BSN: variants seen among roughly 807,000 people sequenced by gnomAD.
BSN encodes bassoon presynaptic cytomatrix protein, also known as protein bassoon.
A neutral mutation model predicts 264.8 loss-of-function variants in BSN; 57 were observed. That is an observed-to-expected ratio of 0.22 (90% CI 0.17 to 0.27). The LOEUF is 0.27. Among genes scored for constraint, BSN ranks in the 10% least tolerant of loss-of-function variants. The probability of loss-of-function intolerance (pLI) is 1.00; values close to 1 mark genes in which losing one functional copy is unlikely to be tolerated. For missense variants in BSN, 4,615 were observed against 5,232.5 expected, an observed-to-expected ratio of 0.88 and a Z score of 3.64; for synonymous variants, 2,059 against 2,137.3, an observed-to-expected ratio of 0.96 and a Z score of 1.01.
At chr3:49,566,288 A>C (rs901567136) in intron 1 of BSN, among the ~76,000 whole-genome samples, 3 of 152,258 alleles carry the variant, frequency 2.0e-5, no homozygotes, top group African/African-American at 7.2e-5. Flanking sequence ...ACTATCTCTC[A>C]TTTTGGTTTT....
In BSN at chr3:49,650,687, C is replaced by A; in HGVS notation, c.1594C>A (p.Pro532Thr). 6.2e-7 allele frequency: 1 copy of A among 1,609,892 alleles called. No homozygotes were observed. Among genetic ancestry groups the A allele is most frequent in the South Asian group, 1.1e-5 (1 of 90,828 alleles). ...CAGCCTAGGAGAGCCGACCCCCCTG[C>A]CGCCGCCCACCTCACAGCAGCCCCC... is the stretch of plus-strand genomic sequence containing the variant. ...EGSLGEPTPL[P>T]PPTSQQPPVG... The change falls in exon 4 of 12, where the codon CCG (proline) becomes ACG (threonine). Residue 532 changes from proline to threonine, a missense_variant. By Grantham distance (38) the Pro-to-Thr change is conservative. Transcript: ENST00000296452.
chr3:49,572,384 A>C (rs1223859140), intron 1 of BSN, among the ~76,000 whole-genome samples: 8 of 152,174 alleles, frequency 5.3e-5, no homozygotes, highest in Admixed American at 5.2e-4. Flanking sequence ...GAACACATTT[A>C]GGGGAAAATA....
At chr3:49,560,176 T>C (rs2051701747) in intron 1 of BSN, among the ~76,000 whole-genome samples, 3 of 152,170 alleles carry the variant, frequency 2.0e-5, no homozygotes, top group Admixed American at 2.0e-4. Flanking sequence ...AATAAATCTT[T>C]CCCCTTATCA....
At chr3:49,566,386 AGAT>A (rs2051752242) in intron 1 of BSN, among the ~76,000 whole-genome samples, 1 of 152,224 alleles carries the variant, frequency 6.6e-6, no homozygotes, top group African/African-American at 2.4e-5. Context: ...AGATCAGAAT[AGAT>A]TCAATCTTTT....
rs770309825 is a variant in BSN, at chr3:49,642,901, G to A, written c.1267G>A (p.Gly423Arg). ...KTEPGARMGPGSGPGALPKTG... is the reference protein window; with the variant it reads ...KTEPGARMGPRSGPGALPKTG... ...TGAGCCTGGGGCTAGAATGGGTCCTGGATCTGGACCTGGAGCCCTGCCGAA... is the reference window on the plus strand; with the variant it reads ...TGAGCCTGGGGCTAGAATGGGTCCTAGATCTGGACCTGGAGCCCTGCCGAA... Residue 423 changes from glycine to arginine, a missense_variant, in exon 3 of 12, where the codon GGA (glycine) becomes AGA (arginine). Coordinates refer to ENST00000296452, the MANE Select transcript of BSN (RefSeq NM_003458.4). This position sits in a 1 kb window ranked among gnomAD's most constrained non-coding sequence, Gnocchi z 7.0. The A allele has an allele frequency of 6.2e-7, 1 of 1,614,000 alleles. No individual in the cohort carries two copies. Among genetic ancestry groups the A allele is most frequent in the Non-Finnish European group, 8.5e-7 (1 of 1,180,010 alleles).
chr3:49,666,188 G>A (rs1006247852), intron 11 of BSN, among the ~76,000 whole-genome samples: 7 of 152,230 alleles, frequency 4.6e-5, no homozygotes, highest in African/African-American at 7.2e-5. Context: ...TATCCATGGC[G>A]GGGCCTGGCG....
chr3:49,616,961 C>T (rs985812411), intron 1 of BSN, among the ~76,000 whole-genome samples: 8 of 152,190 alleles, frequency 5.3e-5, no homozygotes, highest in African/African-American at 1.7e-4. Flanking sequence ...TGTTCCCGTT[C>T]CCAGCAGCCC....
intron 1 of BSN, among the ~76,000 whole-genome samples, chr3:49,589,484 A>G (rs1239772332): frequency 2.1e-5 from 3 of 146,142 alleles, no homozygotes; most frequent in African/African-American, 5.0e-5. Flanking sequence ...TCAATCTTCA[A>G]TCTTCATTTT....
chr3:49,664,987 A>C, intron 10 of BSN, 134 bp downstream of exon 10: 2 of 695,776 alleles, frequency 2.9e-6, no homozygotes, highest in South Asian at 3.4e-5. Flanking sequence ...CCAGAGCTGC[A>C]ATGTTCCCTT....
At chr3:49,613,961 T>G in intron 1 of BSN, among the ~76,000 whole-genome samples, 1 of 151,350 alleles carries the variant, frequency 6.6e-6, no homozygotes, top group Admixed American at 6.6e-5. Flanking sequence ...ATTAAAGGAG[T>G]AGTAACCTCA....
At chr3:49,606,249 T>A (rs1235482071) in intron 1 of BSN, among the ~76,000 whole-genome samples, 3 of 67,638 alleles carry the variant, frequency 4.4e-5, no homozygotes, top group Admixed American at 2.4e-4. Flanking sequence ...ATGTATATAT[T>A]ATATATAAAA....
intron 1 of BSN, among the ~76,000 whole-genome samples, chr3:49,561,075 C>G (rs765813170): frequency 2.0e-5 from 3 of 152,128 alleles, no homozygotes; most frequent in African/African-American, 7.2e-5. Flanking sequence ...GACCTGGGGC[C>G]CCTACTTCTT....
rs1452553347 is a variant in BSN at position 49,656,231 on chromosome 3, C to T, written c.6675C>T (p.Tyr2225=). The T allele has an allele frequency of 4.2e-5, 68 of 1,610,776 alleles. No homozygotes were observed. The highest frequency in any genetic ancestry group is 5.3e-5 in the Non-Finnish European group (62 of 1,178,634). The stretch of plus-strand genomic sequence containing the variant: ...GGCCCATGGTGCGTGGTGGCATGTA[C>T]AGGCCTTACGCATCTGGTGGAATCA... The part of the protein sequence containing the change: ...VLRPMVRGGM[Y]RPYASGGITA... Residue 2225 remains tyrosine, a synonymous_variant, in exon 5 of 12, where the codon TAC becomes TAT. Transcript: ENST00000296452.
chr3:49,661,550 T>G lies in BSN; in HGVS notation c.9705T>G (p.Asp3235Glu), dbSNP rs755512436. 1 of 1,614,054 alleles carries G rather than the reference T, an allele frequency of 6.2e-7. No homozygotes were observed. The highest frequency in any genetic ancestry group is 1.7e-5 in the Admixed American group (1 of 60,036). ...QNVPRNYVMI[D>E]DISELTKDST... ...TTCCTCGAAACTACGTAATGATTGA[T>G]GACATCAGTGAACTGACCAAGGACA... The change falls in exon 6 of 12, where the codon GAT becomes GAG. Residue 3235 changes from aspartate to glutamate, a missense_variant. Asp to Glu is a conservative substitution (Grantham distance 45, BLOSUM62 2). Transcript: ENST00000296452.
At position 49,652,084 on chromosome 3, in the gene BSN, T is replaced by C; in HGVS notation, c.2528T>C (p.Met843Thr). Residue 843 changes from methionine to threonine, a missense_variant, in exon 5 of 12, where the codon ATG (methionine) becomes ACG (threonine). Transcript: ENST00000296452. Reference protein sequence around the residue: ...RAAELTDEDFMRRQILEMSAE... With the variant: ...RAAELTDEDFTRRQILEMSAE... ...GCAGAACTGACTGATGAGGATTTCA[T>C]GCGACGGCAGATTCTCGAGATGAGC... 1 of 1,610,592 alleles carries C rather than the reference T, an allele frequency of 6.2e-7. No homozygotes were observed. The highest frequency in any genetic ancestry group is 8.5e-7 in the Non-Finnish European group (1 of 1,177,548).
chr3:49,637,117 C>A (rs999541251), intron 2 of BSN, among the ~76,000 whole-genome samples: 3 of 152,222 alleles, frequency 2.0e-5, no homozygotes, highest in Admixed American at 2.0e-4. Context: ...AGCATAAATG[C>A]GGCATCAGGC....
In BSN at chr3:49,663,644, C is replaced by A. The variant is rs757461370; in HGVS notation, c.11486C>A (p.Thr3829Lys). The A allele has an allele frequency of 1.9e-6, 3 of 1,607,086 alleles. No homozygotes were observed. The South Asian group carries it at 3.3e-5, about 18-fold the overall frequency. ...CCTCAGCCAGGCCCCAGCACAGCCA[C>A]AGGTCCTCAACCAGCAGGACCGGTA... ...GKPQPGPSTA[T>K]GPQPAGPPRA... The change falls in exon 7 of 12, where the codon ACA (threonine) becomes AAA (lysine). Residue 3829 changes from threonine (T) to lysine (K), a missense_variant. Physicochemically the swap from Thr to Lys is moderately conservative, Grantham distance 78. This residue lies in a region of BSN where 3,415 missense variants were observed against 3,866.4 expected (regional missense o/e 0.88). Transcript: ENST00000296452.
chr3:49,642,506 C>A lies in BSN; in HGVS notation c.872C>A (p.Ala291Asp). 2 of 1,569,030 alleles carry A rather than the reference C, an allele frequency of 1.3e-6. No individual in the cohort carries two copies. The highest frequency in any genetic ancestry group is 8.6e-7 in the Non-Finnish European group (1 of 1,157,896). Residue 291 changes from alanine (A) to aspartate (D), a missense_variant, in exon 3 of 12, where the codon GCC (alanine) becomes GAC (aspartate). Physicochemically the swap from Ala to Asp is moderately radical, Grantham distance 126. Transcript: ENST00000296452. The surrounding 1 kb of genome is among the most constrained non-coding windows in gnomAD (Gnocchi z 7.0). ...TARATSVPGP[A>D]QAAAPPEVGR... ...AGGGCCACCTCAGTGCCGGGGCCTGCCCAAGCAGCTGCCCCTCCAGAGGTG... is the reference window on the plus strand; with the variant it reads ...AGGGCCACCTCAGTGCCGGGGCCTGACCAAGCAGCTGCCCCTCCAGAGGTG...
chr3:49,670,044 C>A lies in BSN; in HGVS notation c.*2559C>A, dbSNP rs2052744146. 1.3e-5 allele frequency: 2 copies of A among 152,704 alleles called. No individual in the cohort carries two copies. Among genetic ancestry groups the A allele is most frequent in the African/African-American group, 2.4e-5 (1 of 41,476 alleles). 9.5% of individuals were successfully genotyped at this position (152,704 alleles called of 1,614,324 possible). A position where few individuals can be genotyped will look rare whatever the true frequency, so the allele number is the denominator to read the frequency against. On this transcript the variant is annotated 3_prime_UTR_variant, in exon 12 of 12. Coordinates refer to ENST00000296452, the MANE Select transcript of BSN (RefSeq NM_003458.4). Reference sequence around the variant, plus strand: ...ACCCCTTCAGAGAGGGCTCCTCGCTCACCTCTGGTAGCTATGGATGGGACA... The same window carrying A: ...ACCCCTTCAGAGAGGGCTCCTCGCTAACCTCTGGTAGCTATGGATGGGACA...
Sources: gnomAD v4.1 joint callset for allele counts (sites outside exome capture counted in the v4.1 genomes callset) on GRCh38, gnomAD v4.1.1 for gene constraint, gnomAD v4.1.1 regional missense constraint, Gnocchi (gnomAD v3.1) non-coding constraint, MANE v1.5 for transcripts, NCBI Gene and HGNC (gene_info 2026-07-23, HGNC 2026-07-21) for gene names.